Variants in MCC observed in about 807,000 individuals in gnomAD.
MCC encodes the protein colorectal mutant cancer protein.
A neutral mutation model predicts 116.2 loss-of-function variants in MCC; 90 were observed. The observed-to-expected ratio is 0.77, with a 90% CI of 0.65 to 0.92. MCC has a LOEUF of 0.92. MCC is among the 40% of genes least tolerant of loss of function. The pLI is 0.00. For synonymous variants in MCC, 578 were observed against 510.5 expected (o/e 1.13, Z -1.78); for missense variants, 1,516 against 1,312.2 (o/e 1.16, Z -2.40).
chr5:113,185,195 C>G (rs570748904), intron 3 of MCC, among the ~76,000 whole-genome samples: 1 of 152,132 alleles, frequency 6.6e-6, no homozygotes, highest in Non-Finnish European at 1.5e-5. Flanking sequence ...TAAGCTGTCT[C>G]TAACATGAGG....
At chr5:113,175,812 A>C (rs1761304252) in intron 3 of MCC, among the ~76,000 whole-genome samples, 1 of 152,106 alleles carries the variant, frequency 6.6e-6, no homozygotes, top group Non-Finnish European at 1.5e-5. Context: ...CTTTTCATGA[A>C]TATTTTTCAA....
At chr5:113,330,239 G>C (rs1359173392) in intron 3 of MCC, among the ~76,000 whole-genome samples, 2 of 152,192 alleles carry the variant, frequency 1.3e-5, no homozygotes, top group African/African-American at 4.8e-5. Context: ...AGAGCTCTCT[G>C]AACCGCTTCT....
intron 2 of MCC, among the ~76,000 whole-genome samples, chr5:113,354,998 G>T (rs557784634): frequency 6.6e-6 from 1 of 152,006 alleles, no homozygotes; most frequent in Non-Finnish European, 1.5e-5. Flanking sequence ...ATATGATATA[G>T]ATATGTGTAT....
chr5:113,452,001 C>T (rs143686082), intron 1 of MCC, among the ~76,000 whole-genome samples: 120 of 152,334 alleles, frequency 7.9e-4, no homozygotes, highest in African/African-American at 2.6e-3. Flanking sequence ...GCTGTAGGCA[C>T]TGGCTGTTGG....
At chr5:113,246,567 C>T (rs922800893) in intron 3 of MCC, among the ~76,000 whole-genome samples, 1 of 152,204 alleles carries the variant, frequency 6.6e-6, no homozygotes, top group South Asian at 2.1e-4. Context: ...GAATGGAAAG[C>T]AGCAGCGAAT....
chr5:113,142,045 T>C (rs1759208543), intron 5 of MCC, among the ~76,000 whole-genome samples: 1 of 152,144 alleles, frequency 6.6e-6, no homozygotes, highest in African/African-American at 2.4e-5. Flanking sequence ...TTAAAAGCCT[T>C]GAGGTTCTAA....
chr5:113,421,302 G>A (rs1177511914), intron 1 of MCC, among the ~76,000 whole-genome samples: 3 of 152,080 alleles, frequency 2.0e-5, no homozygotes, highest in African/African-American at 7.2e-5. Flanking sequence ...TGGGATTACA[G>A]GTGTGAGCCA....
At chr5:113,225,082 T>G (rs377593377) in intron 3 of MCC, among the ~76,000 whole-genome samples, 18 of 152,236 alleles carry the variant, frequency 1.2e-4, no homozygotes, top group African/African-American at 4.1e-4. Flanking sequence ...TAATACTTTA[T>G]TTATCATCCA....
At chr5:113,294,340 C>A in intron 3 of MCC, 1 of 1,613,784 alleles carries the variant, frequency 6.2e-7, no homozygotes, top group Non-Finnish European at 8.5e-7. Flanking sequence ...TCACTCAGCT[C>A]GGCCGAGGAG....
rs1444347958 is a variant in MCC at position 113,028,869 on chromosome 5, G to T, written c.2879+65C>A. 6 of 1,567,630 alleles carry T rather than the reference G, an allele frequency of 3.8e-6. 1 individual carries two copies. In the Admixed American group the frequency reaches 5.3e-5, roughly 14 times the overall value. ...TCCATCCCTGGTGCTGTGTCTACAT[G>T]CAGGGTGTCAGTCCAAGTACCACAG... On this transcript the variant is annotated intron_variant, in intron 18 of 18. Transcript: ENST00000408903.
chr5:113,048,930 T>C (rs1752296661), intron 16 of MCC, 163 bp downstream of exon 16: 1 of 662,388 alleles, frequency 1.5e-6, no homozygotes, highest in Non-Finnish European at 2.7e-6. Context: ...CTGGTTTCAT[T>C]ACACTCAAAA....
chr5:113,049,940 G>C (rs1235395156), intron 15 of MCC, among the ~76,000 whole-genome samples: 3 of 152,180 alleles, frequency 2.0e-5, no homozygotes, highest in Non-Finnish European at 4.4e-5. Context: ...AGTATCCTAA[G>C]AACTCAAATG....
At chr5:113,230,488 T>C (rs1251074767) in intron 3 of MCC, among the ~76,000 whole-genome samples, 1 of 152,198 alleles carries the variant, frequency 6.6e-6, no homozygotes, top group African/African-American at 2.4e-5. Context: ...TCATTCCTTC[T>C]AGCATAATGA....
At chr5:113,431,837 C>T (rs1487304169) in intron 1 of MCC, among the ~76,000 whole-genome samples, 1 of 147,796 alleles carries the variant, frequency 6.8e-6, no homozygotes, top group East Asian at 2.1e-4. Context: ...CCCGTTTCTA[C>T]TAAAAATACA....
chr5:113,144,225 G>C (rs1293492321), intron 4 of MCC, among the ~76,000 whole-genome samples: 1 of 152,224 alleles, frequency 6.6e-6, no homozygotes, highest in Non-Finnish European at 1.5e-5. Context: ...TCTGTAGCCA[G>C]AGTTTAAATC....
chr5:113,437,721 G>A (rs576381881), intron 1 of MCC, among the ~76,000 whole-genome samples: 1 of 152,038 alleles, frequency 6.6e-6, no homozygotes, highest in South Asian at 2.1e-4. Flanking sequence ...CCCCCTTTTT[G>A]TCTTTTGATT....
chr5:113,135,177 A>G (rs1212518765), intron 5 of MCC, among the ~76,000 whole-genome samples: 1 of 150,164 alleles, frequency 6.7e-6, no homozygotes, highest in Non-Finnish European at 1.5e-5. Context: ...TGACCTTATG[A>G]TCCGCCCACC....
intron 1 of MCC, among the ~76,000 whole-genome samples, chr5:113,462,187 C>A (rs1734740421): frequency 6.6e-6 from 1 of 152,236 alleles, no homozygotes; most frequent in African/African-American, 2.4e-5. Context: ...AGGCCTCTGG[C>A]CTTCTGGAAC....
intron 3 of MCC, among the ~76,000 whole-genome samples, chr5:113,318,224 T>A (rs1202438815): frequency 6.6e-6 from 1 of 152,186 alleles, no homozygotes. Context: ...CATTTTGAGA[T>A]GAAGACAACT....
Sources: allele counts gnomAD v4.1 joint callset (sites outside exome capture counted in the v4.1 genomes callset), GRCh38; gene constraint gnomAD v4.1.1; transcripts MANE v1.5; gene names NCBI Gene and HGNC (gene_info 2026-07-23, HGNC 2026-07-21).